The following PRKN variants were observed in gnomAD, a reference collection of about 807,000 sequenced individuals.
The protein encoded by PRKN is parkin RBR E3 ubiquitin protein ligase, also known as E3 ubiquitin-protein ligase parkin.
PRKN carries 56 observed loss-of-function variants against 59.5 expected under a neutral mutation model. The observed-to-expected ratio is 0.94, with a 90% CI of 0.76 to 1.18. The LOEUF is 1.18. Ranked by LOEUF, PRKN falls within the 50% of genes most tolerant of loss-of-function variation. PRKN has a pLI of 0.00. For missense variants in PRKN, 657 were observed against 596.4 expected (o/e 1.10, Z -1.06); for synonymous variants, 250 against 222.1 (o/e 1.13, Z -1.12).
intron 1 of PRKN, among the ~76,000 whole-genome samples, chr6:162,725,369 C>G (rs982485335): frequency 1.3e-5 from 2 of 152,232 alleles, no homozygotes; most frequent in Non-Finnish European, 2.9e-5. Flanking sequence ...AAACCCATCA[C>G]TCCAAGGCTT....
At position 161,475,095 on chromosome 6, in the gene PRKN, C is replaced by A. The variant is rs1365352042; in HGVS notation, c.1083+73759G>T. ...AATTTTTAGTAGAGACAGGGTTTCA[C>A]CATGTTGGCCAGGATGGTCTCGATC... On this transcript the variant is annotated intron_variant, in intron 9 of 11. Transcript: ENST00000366898. This position sits in a 1 kb window ranked among gnomAD's most constrained non-coding sequence, Gnocchi z 5.3. 6.6e-6 allele frequency among the ~76,000 whole-genome samples: 1 copy of A among 152,100 alleles called. No individual in the cohort carries two copies. Among genetic ancestry groups the A allele is most frequent in the African/African-American group, 2.4e-5 (1 of 41,412 alleles).
chr6:162,465,658 G>A (rs781502612), intron 1 of PRKN, among the ~76,000 whole-genome samples: 1 of 152,130 alleles, frequency 6.6e-6, no homozygotes, highest in Non-Finnish European at 1.5e-5. Context: ...GTTAATGTTA[G>A]TTTAATTATA....
chr6:162,290,842 T>C (rs1157764163), intron 2 of PRKN, among the ~76,000 whole-genome samples: 1 of 152,150 alleles, frequency 6.6e-6, no homozygotes, highest in Non-Finnish European at 1.5e-5. Flanking sequence ...GGCAAAGACA[T>C]TGACAACTTT....
At position 162,649,771 on chromosome 6, in the gene PRKN, C is replaced by A. The variant is rs571524205; in HGVS notation, c.7+77891G>T. Among the ~76,000 whole-genome samples, 8 of 152,176 alleles carry A rather than the reference C, an allele frequency of 5.3e-5. No homozygotes were observed. In the South Asian group the frequency reaches 1.7e-3, roughly 32 times the overall value. ...ACAGCATATACAGAAAGAACTGGAA[C>A]CTGCCAGCCCTTCAGTAAAGTGCAT... On this transcript the variant is annotated intron_variant, in intron 1 of 11. Coordinates refer to ENST00000366898, the MANE Select transcript of PRKN (RefSeq NM_004562.3).
chr6:162,320,704 G>A (rs1782982627), intron 2 of PRKN, among the ~76,000 whole-genome samples: 1 of 151,558 alleles, frequency 6.6e-6, no homozygotes, highest in African/African-American at 2.4e-5. Context: ...TACCTCATAT[G>A]GTCTAGCCAT....
chr6:162,229,541 C>T (rs1778328431), intron 3 of PRKN, among the ~76,000 whole-genome samples: 1 of 152,232 alleles, frequency 6.6e-6, no homozygotes, highest in South Asian at 2.1e-4. Context: ...TATTCCTTTG[C>T]TCAGCACCTG....
At chr6:161,972,048 C>T (rs894324367) in intron 6 of PRKN, among the ~76,000 whole-genome samples, 23 of 152,060 alleles carry the variant, frequency 1.5e-4, no homozygotes, top group Non-Finnish European at 2.8e-4. Flanking sequence ...CTAAGGCGGG[C>T]GGATCACCTG....
At chr6:161,777,511 T>C (rs1789975253) in intron 7 of PRKN, among the ~76,000 whole-genome samples, 1 of 151,634 alleles carries the variant, frequency 6.6e-6, no homozygotes. Flanking sequence ...GAAAAGAACA[T>C]CTTATTACAC....
chr6:162,180,543 A>C (rs933868937), intron 4 of PRKN, among the ~76,000 whole-genome samples: 42 of 152,268 alleles, frequency 2.8e-4, no homozygotes, highest in African/African-American at 9.4e-4. Context: ...AATCTCACCA[A>C]AAAGAATTGT....
chr6:161,909,204 C>A (rs956920523), intron 6 of PRKN, among the ~76,000 whole-genome samples: 2 of 152,190 alleles, frequency 1.3e-5, no homozygotes, highest in Non-Finnish European at 2.9e-5. Context: ...AGGCTCTGCT[C>A]ATGAGAAGGC....
chr6:162,139,389 T>C (rs775714973), intron 4 of PRKN, among the ~76,000 whole-genome samples: 6 of 151,944 alleles, frequency 3.9e-5, no homozygotes, highest in Non-Finnish European at 8.8e-5. Flanking sequence ...ACTGTGGAAA[T>C]ATACAAAGAA....
In PRKN at chr6:161,518,971, T is replaced by C. The variant is rs1348191314; in HGVS notation, c.1083+29883A>G. 6.6e-6 allele frequency among the ~76,000 whole-genome samples: 1 copy of C among 152,174 alleles called. No homozygotes were observed. Among genetic ancestry groups the C allele is most frequent in the Non-Finnish European group, 1.5e-5 (1 of 68,028 alleles). On this transcript the variant is annotated intron_variant, in intron 9 of 11. Coordinates refer to ENST00000366898, the MANE Select transcript of PRKN (RefSeq NM_004562.3). This position sits in a 1 kb window ranked among gnomAD's most constrained non-coding sequence, Gnocchi z 5.0. ...TGGAACTCTGGGAAAACTGCACTCG[T>C]GTCCAGATGCAAGTAAATGATAAAC...
At chr6:161,919,937 A>G (rs1318233941) in intron 6 of PRKN, among the ~76,000 whole-genome samples, 1 of 152,246 alleles carries the variant, frequency 6.6e-6, no homozygotes, top group Non-Finnish European at 1.5e-5. Context: ...ACATGGATAC[A>G]TTCTGAGAAA....
At chr6:161,733,797 T>TATATATATATATATATACATAC (rs58765166) in intron 7 of PRKN, among the ~76,000 whole-genome samples, 1 of 82,002 alleles carries the variant, frequency 1.2e-5, no homozygotes, top group Non-Finnish European at 2.5e-5. Context: ...TATATATATA[T>TATATATATATATATATACATAC]GTATATATAT....
chr6:162,585,649 A>T (rs1781014265), intron 1 of PRKN, among the ~76,000 whole-genome samples: 1 of 152,180 alleles, frequency 6.6e-6, no homozygotes, highest in African/African-American at 2.4e-5. Flanking sequence ...TTTTGATTCC[A>T]CATTTCAGGG....
chr6:161,616,323 A>AACCACT (rs903768317), intron 7 of PRKN, among the ~76,000 whole-genome samples: 3 of 152,036 alleles, frequency 2.0e-5, no homozygotes, highest in African/African-American at 7.3e-5. Flanking sequence ...TTAAACTTTA[A>AACCACT]ACCACTATTA....
intron 1 of PRKN, among the ~76,000 whole-genome samples, chr6:162,498,210 T>C (rs1015983473): frequency 1.3e-4 from 20 of 152,058 alleles, no homozygotes; most frequent in African/African-American, 4.3e-4. Context: ...CTACCTGGTG[T>C]TCAGTCTATT....
intron 1 of PRKN, among the ~76,000 whole-genome samples, chr6:162,654,792 C>A (rs577481939): frequency 4.1e-4 from 62 of 152,028 alleles, no homozygotes; most frequent in Non-Finnish European, 7.4e-5. Context: ...GAAGGGGAAG[C>A]AAACACTTCT....
chr6:162,039,673 C>G (rs1783987962), intron 5 of PRKN, among the ~76,000 whole-genome samples: 1 of 152,232 alleles, frequency 6.6e-6, no homozygotes, highest in Admixed American at 6.5e-5. Context: ...GCCTCTTTTC[C>G]TTATAAAGTA....
Sources: gnomAD v4.1 joint callset for allele counts (sites outside exome capture counted in the v4.1 genomes callset) on GRCh38, gnomAD v4.1.1 for gene constraint, Gnocchi (gnomAD v3.1) non-coding constraint, MANE v1.5 for transcripts, NCBI Gene and HGNC (gene_info 2026-07-23, HGNC 2026-07-21) for gene names.